BIN1: variants seen among roughly 807,000 people sequenced by gnomAD.
The protein encoded by BIN1 is bridging integrator 1, also known as myc box-dependent-interacting protein 1.
In BIN1, 53 loss-of-function variants were observed where a neutral mutation model predicts 82.0. The ratio of observed to expected loss-of-function variants is 0.65; its 90% CI spans 0.52 to 0.81. The LOEUF is 0.81. Ranked by LOEUF, BIN1 falls within the 40% of genes least tolerant of loss-of-function variation. BIN1 has a pLI of 0.00. For synonymous variants in BIN1, 302 were observed against 328.0 expected, an observed-to-expected ratio of 0.92 and a Z score of 0.86; for missense variants, 642 against 784.4, an observed-to-expected ratio of 0.82 and a Z score of 2.17.
chr2:127,083,004 A>G (rs558760399), intron 1 of BIN1, among the ~76,000 whole-genome samples: 2 of 152,152 alleles, frequency 1.3e-5, no homozygotes, highest in African/African-American at 4.8e-5. Context: ...AGGATACTAC[A>G]GGGACTATCA....
intron 11 of BIN1, among the ~76,000 whole-genome samples, chr2:127,058,194 T>A (rs1274981337): frequency 6.6e-6 from 1 of 152,198 alleles, no homozygotes; most frequent in African/African-American, 2.4e-5. Context: ...CCCATGACGC[T>A]GGGCTTCCTC....
At position 127,057,632 on chromosome 2, in the gene BIN1, C is replaced by T. The variant is rs188995546; in HGVS notation, c.1003-31G>A. The T allele has an allele frequency of 1.0e-3, 1,532 of 1,491,548 alleles. 2 individuals are homozygous for T. Among genetic ancestry groups the T allele is most frequent in the Non-Finnish European group, 1.3e-3 (1,413 of 1,113,292 alleles). The allele number at this position is 1,491,548 out of a possible 1,614,324, so 92.4% of individuals were successfully genotyped here. On this transcript the variant is annotated intron_variant, in intron 11 of 18. Coordinates refer to ENST00000316724, the MANE Select transcript of BIN1 (RefSeq NM_139343.3). The surrounding 1 kb of genome is among the most constrained non-coding windows in gnomAD (Gnocchi z 5.0). The stretch of plus-strand genomic sequence containing the variant: ...GGTCGGCGGCGGGTGAGGGGCCGCG[C>T]GGGAAGGCACAGCAGAGCACGGGGT...
intron 1 of BIN1, among the ~76,000 whole-genome samples, chr2:127,081,506 C>T (rs1213534919): frequency 1.3e-5 from 2 of 152,174 alleles, no homozygotes; most frequent in African/African-American, 4.8e-5. Flanking sequence ...GCGGGACACA[C>T]ACCCACAGTC....
At chr2:127,070,855 G>GT in intron 2 of BIN1, 39 bp from the exon 3 acceptor site, 1 of 1,584,090 alleles carries the variant, frequency 6.3e-7, no homozygotes, top group Non-Finnish European at 8.6e-7. Flanking sequence ...AGGGACTGGT[G>GT]GCACACCCAG....
At chr2:127,085,984 C>T (rs1335196118) in intron 1 of BIN1, among the ~76,000 whole-genome samples, 2 of 152,212 alleles carry the variant, frequency 1.3e-5, no homozygotes, top group African/African-American at 4.8e-5. Context: ...GTTGAGGCCC[C>T]CACATGTGCC....
chr2:127,068,814 G>A lies in BIN1; in HGVS notation c.519+110C>T. 9.0e-7 allele frequency: 1 copy of A among 1,106,362 alleles called. No individual in the cohort carries two copies. Among genetic ancestry groups the A allele is most frequent in the Non-Finnish European group, 1.4e-6 (1 of 736,658 alleles). The allele number at this position is 1,106,362 out of a possible 1,614,324, so 68.5% of individuals were successfully genotyped here. On this transcript the variant is annotated intron_variant, in intron 6 of 18. Transcript: ENST00000316724. The surrounding 1 kb of genome is among the most constrained non-coding windows in gnomAD (Gnocchi z 4.9). ...GGGCCCTGTATCGTCCCCACCCCCAGTTCAGCCACCTGGGGCCAGGCAGGA... is the reference window on the plus strand; with the variant it reads ...GGGCCCTGTATCGTCCCCACCCCCAATTCAGCCACCTGGGGCCAGGCAGGA...
intron 1 of BIN1, among the ~76,000 whole-genome samples, chr2:127,089,889 G>A (rs1001163624): frequency 2.6e-5 from 4 of 152,022 alleles, no homozygotes; most frequent in African/African-American, 9.7e-5. Flanking sequence ...AGGTAAGAGG[G>A]CCCAGCAGAG....
At chr2:127,104,943 A>C (rs927325050) in intron 1 of BIN1, among the ~76,000 whole-genome samples, 7 of 152,240 alleles carry the variant, frequency 4.6e-5, no homozygotes, top group Admixed American at 1.3e-4. Context: ...CAGCTGGAAC[A>C]CTAAACAACT....
Position 127,069,042 on chromosome 2 carries a change from C to G in BIN1, c.412-11G>C, listed in dbSNP as rs2105059266. 6.2e-7 allele frequency: 1 copy of G among 1,613,264 alleles called. No individual in the cohort carries two copies. Among genetic ancestry groups the G allele is most frequent in the South Asian group, 1.1e-5 (1 of 91,072 alleles). On this transcript the variant is annotated splice_polypyrimidine_tract_variant and intron_variant, in intron 5 of 18. Transcript: ENST00000316724. The stretch of plus-strand genomic sequence containing the variant: ...CTTGGCAATGCGTGACTGGGGCAGA[C>G]AGAGGAGGGCACTAAGCGGGGCCTG...
Position 127,057,601 on chromosome 2 carries a change from G to C in BIN1, c.1003C>G (p.Leu335Val). The C allele has an allele frequency of 6.6e-7, 1 of 1,523,956 alleles. No homozygotes were observed. The highest frequency in any genetic ancestry group is 8.9e-7 in the Non-Finnish European group (1 of 1,129,624). The allele number at this position is 1,523,956 out of a possible 1,614,324, so 94.4% of individuals were successfully genotyped here. A position where few individuals can be genotyped will look rare whatever the true frequency, so the allele number is the denominator to read the frequency against. The part of the protein sequence containing the change: ...GATLPKSPSQ[L>V]RKGPPVPPPP... ...GGAGGGACTGGTGGGCCTTTCCGGA[G>C]CTGTGGGTCGGCGGCGGGTGAGGGG... The change falls in exon 12 of 19, where the codon CTC becomes GTC. Residue 335 changes from leucine (L) to valine (V), a missense_variant and splice_region_variant. Transcript: ENST00000316724. This position sits in a 1 kb window ranked among gnomAD's most constrained non-coding sequence, Gnocchi z 5.0.
chr2:127,049,561 C>T (rs567918886), intron 18 of BIN1, among the ~76,000 whole-genome samples: 2 of 152,324 alleles, frequency 1.3e-5, no homozygotes, highest in South Asian at 2.1e-4. Context: ...CACACAGAAG[C>T]GTTGATGGCT....
chr2:127,077,032 C>T (rs923721475), intron 1 of BIN1, among the ~76,000 whole-genome samples: 6 of 152,156 alleles, frequency 3.9e-5, no homozygotes, highest in African/African-American at 1.4e-4. Flanking sequence ...TCTCACACTG[C>T]ACCCCTGGGT....
intron 1 of BIN1, among the ~76,000 whole-genome samples, chr2:127,101,000 G>A (rs1044396646): frequency 9.3e-6 from 1 of 107,576 alleles, no homozygotes; most frequent in Non-Finnish European, 2.1e-5. Context: ...AGGAATGTGC[G>A]GGGGGTGGGG....
At chr2:127,065,779 C>T (rs949477469) in intron 7 of BIN1, among the ~76,000 whole-genome samples, 1 of 152,200 alleles carries the variant, frequency 6.6e-6, no homozygotes, top group Admixed American at 6.5e-5. Context: ...GCAACGCTGC[C>T]GAGAGCAAGA....
chr2:127,054,312 C>T lies in BIN1; in HGVS notation c.1132-300G>A, dbSNP rs1012161610. On this transcript the variant is annotated intron_variant, in intron 12 of 18. Transcript: ENST00000316724. ...TCCCAGTCATAGGTCCGCCCGTGGC[C>T]GCCACCCCGCAGGGCCAGCACCAGG... is the stretch of plus-strand genomic sequence containing the variant. 12 of 428,940 alleles carry T rather than the reference C, an allele frequency of 2.8e-5. No homozygotes were observed. In the Admixed American group the frequency reaches 3.6e-4, roughly 13 times the overall value. The allele number at this position is 428,940 out of a possible 1,614,324, so 26.6% of individuals were successfully genotyped here. A position where few individuals can be genotyped will look rare whatever the true frequency, so the allele number is the denominator to read the frequency against.
At chr2:127,083,712 G>A (rs1186986023) in intron 1 of BIN1, among the ~76,000 whole-genome samples, 1 of 152,186 alleles carries the variant, frequency 6.6e-6, no homozygotes, top group African/African-American at 2.4e-5. Context: ...TGTTCCTTTA[G>A]TCCAGAATAT....
intron 2 of BIN1, among the ~76,000 whole-genome samples, chr2:127,074,400 C>T (rs1409093646): frequency 2.6e-5 from 4 of 152,208 alleles, no homozygotes; most frequent in Non-Finnish European, 5.9e-5. Context: ...AAAAGCCAGC[C>T]ACCCCACCAA....
intron 2 of BIN1, among the ~76,000 whole-genome samples, chr2:127,075,473 C>G (rs976791289): frequency 7.9e-5 from 12 of 152,300 alleles, no homozygotes; most frequent in African/African-American, 2.6e-4. Context: ...TTGCCCAGAG[C>G]CACAGAGGCA....
At chr2:127,098,440 A>C (rs1227265968) in intron 1 of BIN1, among the ~76,000 whole-genome samples, 2 of 152,150 alleles carry the variant, frequency 1.3e-5, no homozygotes, top group Non-Finnish European at 2.9e-5. Context: ...TGGAGGCAGC[A>C]GTGGGGGCTG....
Sources: gnomAD v4.1 joint callset for allele counts (sites outside exome capture counted in the v4.1 genomes callset) on GRCh38, gnomAD v4.1.1 for gene constraint, Gnocchi (gnomAD v3.1) non-coding constraint, MANE v1.5 for transcripts, NCBI Gene and HGNC (gene_info 2026-07-23, HGNC 2026-07-21) for gene names.